USH2A: variants seen among roughly 807,000 people sequenced by gnomAD.
The protein encoded by USH2A is usherin, also known as Usher syndrome 2A (autosomal recessive, mild).
USH2A carries 443 observed loss-of-function variants against 538.9 expected under a neutral mutation model. The observed-to-expected ratio is 0.82, with a 90% confidence interval of 0.76 to 0.89. The LOEUF is 0.89. Ranked by LOEUF, USH2A falls within the 40% of genes least tolerant of loss-of-function variation. USH2A has a pLI of 0.00. For missense variants in USH2A, 6,633 were observed against 6,324.8 expected (o/e 1.05, Z -1.65); for synonymous variants, 2,413 against 2,273.5 (o/e 1.06, Z -1.75).
At chr1:215,759,931 T>C (rs1253945154) in intron 56 of USH2A, 88 bp from the exon 57 acceptor site, 9 of 1,501,268 alleles carry the variant, frequency 6.0e-6, no homozygotes, top group African/African-American at 2.8e-5. Flanking sequence ...TGAACTGTGA[T>C]ATTTTTTCTG....
chr1:216,206,291 G>C (rs1174840710), intron 16 of USH2A, among the ~76,000 whole-genome samples: 1 of 152,096 alleles, frequency 6.6e-6, no homozygotes, highest in Non-Finnish European at 1.5e-5. Context: ...CTTTAAACCA[G>C]TGGTCCCCAA....
chr1:216,147,255 A>T (rs1418463259), intron 21 of USH2A, among the ~76,000 whole-genome samples: 4 of 151,788 alleles, frequency 2.6e-5, no homozygotes, highest in African/African-American at 4.8e-5. Context: ...CTAGGTCCCA[A>T]TTCTTCCTCA....
chr1:216,068,490 G>T (rs1488610625), intron 30 of USH2A, among the ~76,000 whole-genome samples: 2 of 152,178 alleles, frequency 1.3e-5, no homozygotes, highest in Non-Finnish European at 2.9e-5. Context: ...TGGCGGGTGT[G>T]GGGTGGGCAG....
At position 216,088,997 on chromosome 1, in the gene USH2A, A is replaced by T; in HGVS notation, c.4885+16T>A. The T allele has an allele frequency of 1.2e-6, 2 of 1,613,114 alleles. No homozygotes were observed. Among genetic ancestry groups the T allele is most frequent in the Non-Finnish European group, 1.7e-6 (2 of 1,179,362 alleles). ...CATATCAACAGGGCTATTTATACAT[A>T]TCAAAAAGTACTTACCTGTATATAT... On this transcript the variant is annotated intron_variant, in intron 23 of 71. Transcript: ENST00000307340.
At chr1:216,029,405 T>A (rs1344141558) in intron 32 of USH2A, among the ~76,000 whole-genome samples, 2 of 152,106 alleles carry the variant, frequency 1.3e-5, no homozygotes, top group African/African-American at 4.8e-5. Flanking sequence ...TTTGTGTACA[T>A]ATTAGTTATT....
At chr1:215,943,972 A>G (rs933073607) in intron 37 of USH2A, among the ~76,000 whole-genome samples, 3 of 152,216 alleles carry the variant, frequency 2.0e-5, no homozygotes, top group African/African-American at 7.2e-5. Flanking sequence ...ATTTATGGGT[A>G]GTGGGATTTT....
chr1:215,866,963 A>G (rs1403398829), intron 44 of USH2A, 44 bp downstream of exon 44: 4 of 1,613,266 alleles, frequency 2.5e-6, no homozygotes, highest in Non-Finnish European at 3.4e-6. Context: ...ATATGCTTTT[A>G]AAAATACACA....
chr1:215,727,087 G>A (rs988563961), intron 61 of USH2A, among the ~76,000 whole-genome samples: 14 of 152,122 alleles, frequency 9.2e-5, no homozygotes, highest in East Asian at 5.8e-4. Flanking sequence ...GAATTAAGTC[G>A]TTCTATGGGC....
intron 21 of USH2A, among the ~76,000 whole-genome samples, chr1:216,122,803 GGAA>G (rs376659300): frequency 8.0e-4 from 122 of 152,196 alleles, no homozygotes; most frequent in African/African-American, 2.8e-3. Context: ...TCCAGCCCTG[GGAA>G]GAAGAAGCTA....
rs372388546 is a variant in USH2A at position 216,190,379 on chromosome 1, A to AAAAG, written c.4252-16_4252-13dup. ...GCAGTGTGCAACAGCTTCAAGGCAA[A>AAAAG]AAAGAAAGAAAGAAAGAAAGAAAGA... On this transcript the variant is annotated splice_polypyrimidine_tract_variant and intron_variant, in intron 19 of 71. Coordinates refer to ENST00000307340, the MANE Select transcript of USH2A (RefSeq NM_206933.4). 850 of 1,609,134 alleles carry AAAAG rather than the reference A, an allele frequency of 5.3e-4. No homozygotes were observed. The highest frequency in any genetic ancestry group is 1.1e-3 in the East Asian group (49 of 44,692).
intron 37 of USH2A, among the ~76,000 whole-genome samples, chr1:215,962,700 G>T (rs1667232770): frequency 6.6e-6 from 1 of 151,956 alleles, no homozygotes; most frequent in African/African-American, 2.4e-5. Context: ...ATTTCTAGAA[G>T]GATATAAGAA....
At position 216,184,736 on chromosome 1, in the gene USH2A, T is replaced by C. The variant is rs1445917455; in HGVS notation, c.4396+5487A>G. On this transcript the variant is annotated intron_variant, in intron 20 of 71. Coordinates refer to ENST00000307340, the MANE Select transcript of USH2A (RefSeq NM_206933.4). ...TTGTAATTAAAATTATAAATTAACA[T>C]ATTAAGAGTGCTTGTTTAATCACTC... is the stretch of plus-strand genomic sequence containing the variant. Among the ~76,000 whole-genome samples, 3 of 152,102 alleles carry C rather than the reference T, an allele frequency of 2.0e-5. No individual in the cohort carries two copies. In the East Asian group the frequency reaches 5.8e-4, roughly 29 times the overall value.
rs1571930725 is a variant in USH2A, at chr1:215,650,533, T to C, written c.14343+59A>G. ...AAAAACAAAAACATAAAAACAAAGG[T>C]TTCATAGTAATGATTTTTAAAAGTC... On this transcript the variant is annotated intron_variant, in intron 65 of 71. Transcript: ENST00000307340. The C allele has an allele frequency of 5.0e-6, 8 of 1,596,434 alleles. No homozygotes were observed. The East Asian group carries it at 1.8e-4, about 36-fold the overall frequency.
In USH2A at chr1:216,073,425, G is replaced by A. The variant is rs966460038; in HGVS notation, c.5573-125C>T. 6.7e-5 allele frequency: 69 copies of A among 1,031,152 alleles called. 1 individual carries two copies. Among genetic ancestry groups the A allele is most frequent in the African/African-American group, 3.2e-4 (20 of 62,494 alleles). 63.9% of individuals were successfully genotyped at this position (1,031,152 alleles called of 1,614,324 possible). A position where few individuals can be genotyped will look rare whatever the true frequency, so the allele number is the denominator to read the frequency against. ...GGTTAGATACAATTGCTAGACTTTC[G>A]AGTCTTCCTTGGAAAACCTTTTATG... On this transcript the variant is annotated intron_variant, in intron 27 of 71. Transcript: ENST00000307340.
At chr1:215,690,443 T>C (rs1658563939) in intron 61 of USH2A, among the ~76,000 whole-genome samples, 1 of 152,218 alleles carries the variant, frequency 6.6e-6, no homozygotes, top group Admixed American at 6.5e-5. Flanking sequence ...CATCTTTAGC[T>C]GGGTGTGGTG....
intron 49 of USH2A, 47 bp from the exon 50 acceptor site, chr1:215,799,172 T>C (rs1012460822): frequency 2.6e-6 from 4 of 1,542,028 alleles, no homozygotes; most frequent in Non-Finnish European, 3.5e-6. Flanking sequence ...TAAAAAAATA[T>C]GCTATGACTA....
At chr1:216,314,226 G>A (rs1052734986) in intron 9 of USH2A, among the ~76,000 whole-genome samples, 3 of 151,846 alleles carry the variant, frequency 2.0e-5, no homozygotes, top group Non-Finnish European at 2.9e-5. Context: ...TCTTTTTCAT[G>A]TTTTCAACTT....
chr1:215,900,085 G>T lies in USH2A; in HGVS notation c.7584C>A (p.Thr2528=). Residue 2528 remains threonine (T), a synonymous_variant, in exon 40 of 72, where the codon ACC becomes ACA. Coordinates refer to ENST00000307340, the MANE Select transcript of USH2A (RefSeq NM_206933.4). ...GTTCAGACCACTTACTGTCCTCTGC[G>T]GTCATGAATGGAATCCAAGAACTAT... The part of the protein sequence containing the change: ...SAHSSWIPFM[T]AEDKPGPVVP... 6.2e-7 allele frequency: 1 copy of T among 1,613,544 alleles called. No individual in the cohort carries two copies. Among genetic ancestry groups the T allele is most frequent in the Non-Finnish European group, 8.5e-7 (1 of 1,179,718 alleles).
intron 40 of USH2A, among the ~76,000 whole-genome samples, chr1:215,895,248 G>T (rs1204843103): frequency 6.6e-6 from 1 of 152,202 alleles, no homozygotes; most frequent in Non-Finnish European, 1.5e-5. Context: ...CTTTGAGTAA[G>T]AATTTTGGGG....
Sources: gnomAD v4.1 joint callset for allele counts (sites outside exome capture counted in the v4.1 genomes callset) on GRCh38, gnomAD v4.1.1 for gene constraint, MANE v1.5 for transcripts, NCBI Gene and HGNC (gene_info 2026-07-23, HGNC 2026-07-21) for gene names.